MGRN1: variants seen among roughly 807,000 people sequenced by gnomAD.
MGRN1 encodes the protein E3 ubiquitin-protein ligase MGRN1.
In MGRN1, 29 loss-of-function variants were observed where a neutral mutation model predicts 69.2. The ratio of observed to expected loss-of-function variants is 0.42; its 90% CI spans 0.31 to 0.57. MGRN1 has a LOEUF of 0.57. MGRN1 is among the 20% of genes least tolerant of loss of function. MGRN1 has a pLI of 0.15. For missense variants in MGRN1, 998 were observed against 796.2 expected (o/e 1.25, Z -3.05); for synonymous variants, 470 against 344.2 (o/e 1.37, Z -4.04).
chr16:4,656,269 T>C (rs1208928795), intron 4 of MGRN1, among the ~76,000 whole-genome samples: 1 of 152,220 alleles, frequency 6.6e-6, no homozygotes, highest in African/African-American at 2.4e-5. Flanking sequence ...TTGGGAAAAG[T>C]GAGATGTTGG....
At chr16:4,688,521 G>A in intron 16 of MGRN1, 3 of 1,230,946 alleles carry the variant, frequency 2.4e-6, no homozygotes, top group African/African-American at 1.5e-5. Context: ...CCACCGCGGT[G>A]CCGTGTCGCG....
At chr16:4,651,289 C>G (rs2078401489) in intron 2 of MGRN1, among the ~76,000 whole-genome samples, 1 of 152,140 alleles carries the variant, frequency 6.6e-6, no homozygotes, top group Non-Finnish European at 1.5e-5. Context: ...GTGGCACCTG[C>G]TGCGTGCCTA....
chr16:4,633,707 C>G (rs1386171694), intron 1 of MGRN1: 1 of 149,824 alleles, frequency 6.7e-6, no homozygotes, highest in Non-Finnish European at 1.5e-5. Flanking sequence ...ATATATCTAT[C>G]AATAAAAAAA....
At chr16:4,659,857 G>T (rs1030408424) in intron 5 of MGRN1, among the ~76,000 whole-genome samples, 2 of 152,220 alleles carry the variant, frequency 1.3e-5, no homozygotes, top group Non-Finnish European at 1.5e-5. Flanking sequence ...TGTCATCAGG[G>T]TGGGGATCTC....
At chr16:4,660,425 C>T (rs906233091) in intron 5 of MGRN1, among the ~76,000 whole-genome samples, 6 of 152,356 alleles carry the variant, frequency 3.9e-5, no homozygotes, top group Non-Finnish European at 2.9e-5. Flanking sequence ...CTCCCCAGAC[C>T]GTTGGTTTTT....
At chr16:4,680,479 C>G (rs1421966744) in intron 12 of MGRN1, 1 of 211,892 alleles carries the variant, frequency 4.7e-6, no homozygotes, top group Non-Finnish European at 9.7e-6. Flanking sequence ...CTTTACCCTG[C>G]GGGTTCGAGC....
intron 1 of MGRN1, among the ~76,000 whole-genome samples, chr16:4,642,032 C>G (rs148771812): frequency 4.6e-5 from 7 of 152,016 alleles, no homozygotes; most frequent in Admixed American, 2.0e-4. Context: ...ATTGTCTGCG[C>G]CGTGTTGATC....
At chr16:4,673,760 A>G (rs2078993798) in intron 10 of MGRN1, 103 bp downstream of exon 10, 2 of 1,389,102 alleles carry the variant, frequency 1.4e-6, no homozygotes, top group South Asian at 1.3e-5. Flanking sequence ...TTGATGGCTA[A>G]GAAAGAAGAG....
At chr16:4,625,671 T>C (rs376004584) in intron 1 of MGRN1, among the ~76,000 whole-genome samples, 2 of 152,192 alleles carry the variant, frequency 1.3e-5, no homozygotes, top group African/African-American at 4.8e-5. Flanking sequence ...AAGGAGGAAG[T>C]GACTGCCAAG....
At chr16:4,684,715 C>T (rs186579251) in intron 16 of MGRN1, among the ~76,000 whole-genome samples, 3 of 152,254 alleles carry the variant, frequency 2.0e-5, no homozygotes, top group African/African-American at 7.2e-5. Flanking sequence ...CTCTAAAGAC[C>T]GGGAGGGAAT....
intron 11 of MGRN1, among the ~76,000 whole-genome samples, chr16:4,678,529 GGA>G (rs2079105551): frequency 6.6e-6 from 1 of 152,056 alleles, no homozygotes; most frequent in Non-Finnish European, 1.5e-5. Context: ...AGACAGATGT[GGA>G]GAGACGGAGA....
intron 5 of MGRN1, among the ~76,000 whole-genome samples, chr16:4,659,844 C>T (rs936561365): frequency 1.8e-4 from 28 of 152,202 alleles, no homozygotes; most frequent in African/African-American, 6.5e-4. Flanking sequence ...CTTCCAGGGC[C>T]TGTGTCATCA....
At position 4,637,915 on chromosome 16, in the gene MGRN1, C is replaced by T. The variant is rs1596262486; in HGVS notation, c.89-12450C>T. ...TTCCAGAAAAGGGGAGGACACACCC[C>T]CAACAAAAAAGGTGACTACAGCTTA... On this transcript the variant is annotated intron_variant, in intron 1 of 16. Coordinates refer to ENST00000262370, the MANE Select transcript of MGRN1 (RefSeq NM_015246.4). Among the ~76,000 whole-genome samples, 5 of 152,304 alleles carry T rather than the reference C, an allele frequency of 3.3e-5. No homozygotes were observed. The East Asian group carries it at 9.7e-4, about 29-fold the overall frequency.
intron 1 of MGRN1, among the ~76,000 whole-genome samples, chr16:4,645,901 C>T (rs988909609): frequency 6.6e-6 from 1 of 152,180 alleles, no homozygotes; most frequent in East Asian, 1.9e-4. Flanking sequence ...AGTCACAGGG[C>T]AGATGGTGCC....
intron 11 of MGRN1, among the ~76,000 whole-genome samples, chr16:4,679,027 A>C (rs1318387899): frequency 2.0e-5 from 3 of 152,222 alleles, no homozygotes; most frequent in Admixed American, 6.5e-5. Context: ...TAGAGGAGAA[A>C]CATGGCTTGG....
intron 5 of MGRN1, among the ~76,000 whole-genome samples, chr16:4,663,218 C>T (rs1296463583): frequency 4.6e-5 from 7 of 152,070 alleles, no homozygotes; most frequent in African/African-American, 1.7e-4. Flanking sequence ...CATGCGTCAC[C>T]ATGCTTGGCT....
chr16:4,682,447 GCCCGCCC>G (rs1394202213), intron 13 of MGRN1, among the ~76,000 whole-genome samples: 2 of 152,220 alleles, frequency 1.3e-5, no homozygotes, highest in Admixed American at 1.3e-4. Flanking sequence ...GGTTCTGCAG[GCCCGCCC>G]TGGGCACCCT....
chr16:4,657,477 C>G, intron 5 of MGRN1, 114 bp downstream of exon 5: 1 of 1,041,836 alleles, frequency 9.6e-7, no homozygotes, highest in Non-Finnish European at 1.5e-6. Context: ...GTTCATAAGA[C>G]CTGGGAACGG....
At chr16:4,668,641 C>T (rs576399817) in intron 8 of MGRN1, among the ~76,000 whole-genome samples, 8 of 151,806 alleles carry the variant, frequency 5.3e-5, no homozygotes, top group Admixed American at 4.6e-4. Flanking sequence ...TGCACACACT[C>T]AGACACACTC....
Sources: gnomAD v4.1 joint callset for allele counts (sites outside exome capture counted in the v4.1 genomes callset) on GRCh38, gnomAD v4.1.1 for gene constraint, MANE v1.5 for transcripts, NCBI Gene and HGNC (gene_info 2026-07-23, HGNC 2026-07-21) for gene names.